Variants in PROM1 observed in about 807,000 individuals in gnomAD.
The protein encoded by PROM1 is prominin-1.
Under a neutral mutation model 116.9 loss-of-function variants are expected in PROM1, and 105 were observed. That is an observed-to-expected ratio of 0.90 (90% confidence interval 0.77 to 1.06). The LOEUF (loss-of-function observed/expected upper bound fraction) is 1.06. PROM1 is among the 50% of genes least tolerant of loss of function. The pLI is 0.00. For missense variants in PROM1, 1,122 were observed against 1,045.2 expected (o/e 1.07, Z -1.01); for synonymous variants, 393 against 387.0 (o/e 1.02, Z -0.18).
intron 11 of PROM1, among the ~76,000 whole-genome samples, chr4:16,009,945 A>G (rs1006039330): frequency 1.3e-5 from 2 of 151,684 alleles, no homozygotes; most frequent in African/African-American, 4.8e-5. Context: ...AAAAAAAAAA[A>G]AAAAAAAAAA....
At chr4:16,061,825 T>G (rs1424399821) in intron 2 of PROM1, among the ~76,000 whole-genome samples, 6 of 151,998 alleles carry the variant, frequency 3.9e-5, no homozygotes, top group Non-Finnish European at 8.8e-5. Flanking sequence ...TGGTGGTTCC[T>G]TGAGTTGTAG....
Position 16,013,335 on chromosome 4 carries a change from A to G in PROM1, c.1081T>C (p.Tyr361His), listed in dbSNP as rs1048511634. ...TDLDGLVQQG[Y>H]QSLNDIPDRV... is the part of the protein sequence containing the mutation. ...TCAGGTATATCATTAAGGGATTGAT[A>G]GCCCTGAAAAATATTTCAAAATAAA... The change falls in exon 11 of 28, where the codon TAT (tyrosine) becomes CAT (histidine). Residue 361 changes from tyrosine (Y) to histidine (H), a missense_variant. By Grantham distance (83) the Tyr-to-His change is moderately conservative (BLOSUM62 2). Transcript: ENST00000447510. 6.3e-7 allele frequency: 1 copy of G among 1,599,500 alleles called. No individual in the cohort carries two copies. The highest frequency in any genetic ancestry group is 1.3e-5 in the African/African-American group (1 of 74,618).
At chr4:16,074,782 T>C (rs948494047) in intron 2 of PROM1, among the ~76,000 whole-genome samples, 2 of 152,202 alleles carry the variant, frequency 1.3e-5, no homozygotes, top group Admixed American at 1.3e-4. Flanking sequence ...ATCCTGTCTC[T>C]CTTCCTCCCT....
rs1314310995 is a variant in PROM1 at position 16,083,989 on chromosome 4, A to T, written c.-224T>A. ...TTAAACATACTCACCGCGGCGGGAG[A>T]GCTGAGAGCATGGCCAGGTGCCGCG... On this transcript the variant is annotated 5_prime_UTR_variant, in exon 1 of 28. Coordinates refer to ENST00000447510, the MANE Select transcript of PROM1 (RefSeq NM_006017.3). 1 of 152,240 alleles carries T rather than the reference A, an allele frequency of 6.6e-6. No homozygotes were observed. Among genetic ancestry groups the T allele is most frequent in the Non-Finnish European group, 1.5e-5 (1 of 68,100 alleles). The allele number at this position is 152,240 out of a possible 1,614,324, so 9.4% of individuals were successfully genotyped here.
At chr4:15,984,390 G>T (rs1480264959) in intron 22 of PROM1, 35 bp from the exon 23 acceptor site, 1 of 1,434,422 alleles carries the variant, frequency 7.0e-7, no homozygotes, top group Non-Finnish European at 9.5e-7. Flanking sequence ...ACTTTGAGCT[G>T]CATCCACAAA....
chr4:16,033,582 A>ATT, intron 4 of PROM1, 73 bp from the exon 5 acceptor site: 3 of 556,018 alleles, frequency 5.4e-6, no homozygotes, highest in Non-Finnish European at 5.3e-6. Context: ...TGGTGTACAA[A>ATT]GTTCTTTTTT....
intron 22 of PROM1, 52 bp from the exon 23 acceptor site, chr4:15,984,407 A>C (rs947056484): frequency 7.5e-7 from 1 of 1,325,008 alleles, no homozygotes; most frequent in East Asian, 2.5e-5. Flanking sequence ...CAAAAACCCA[A>C]AGGAATGAGA....
At chr4:15,997,839 T>C (rs1314057443) in intron 15 of PROM1, among the ~76,000 whole-genome samples, 1 of 152,218 alleles carries the variant, frequency 6.6e-6, no homozygotes, top group Admixed American at 6.5e-5. Context: ...GAATCTCATG[T>C]ATCTTACTTA....
At chr4:15,979,116 G>T (rs1480851661) in intron 26 of PROM1, among the ~76,000 whole-genome samples, 1 of 152,190 alleles carries the variant, frequency 6.6e-6, no homozygotes, top group East Asian at 1.9e-4. Context: ...TGCAAGGTAT[G>T]CATGCATTTA....
chr4:16,022,050 G>A (rs762119298), intron 8 of PROM1, among the ~76,000 whole-genome samples: 26 of 151,844 alleles, frequency 1.7e-4, no homozygotes, highest in Non-Finnish European at 3.4e-4. Flanking sequence ...ATGGACAGGG[G>A]CCAGGTGTGC....
chr4:16,023,431 C>G lies in PROM1; in HGVS notation c.695-16G>C, dbSNP rs779849808. On this transcript the variant is annotated splice_polypyrimidine_tract_variant and intron_variant, in intron 7 of 27. Transcript: ENST00000447510. ...GAATTGATACCTACATGCAAATAAG[C>G]ACAAAGATGGTGAGGGTGGCCTCTG... is the stretch of plus-strand genomic sequence containing the variant. 23 of 1,565,764 alleles carry G rather than the reference C, an allele frequency of 1.5e-5. No individual in the cohort carries two copies. The highest frequency in any genetic ancestry group is 2.0e-5 in the Non-Finnish European group (23 of 1,146,572).
chr4:15,992,736 T>C (rs1336223834), intron 16 of PROM1, among the ~76,000 whole-genome samples: 2 of 152,228 alleles, frequency 1.3e-5, no homozygotes, highest in African/African-American at 2.4e-5. Context: ...TCTTTCTCTA[T>C]GGGTCCCATG....
At chr4:16,057,982 T>C (rs531644975) in intron 2 of PROM1, among the ~76,000 whole-genome samples, 17 of 152,262 alleles carry the variant, frequency 1.1e-4, no homozygotes, top group African/African-American at 3.4e-4. Context: ...ATTCACTGTT[T>C]CAAAACTTCC....
rs999336631 is a variant in PROM1 at position 15,968,253 on chromosome 4, A to C, written c.*1140T>G. 4 of 152,200 alleles carry C rather than the reference A, an allele frequency of 2.6e-5. No homozygotes were observed. Among genetic ancestry groups the C allele is most frequent in the Non-Finnish European group, 5.9e-5 (4 of 68,026 alleles). The allele number at this position is 152,200 out of a possible 1,614,324, so 9.4% of individuals were successfully genotyped here. On this transcript the variant is annotated 3_prime_UTR_variant, in exon 28 of 28. Transcript: ENST00000447510. ...TGTTTTCCAAGTTCCTTTTTATTCA[A>C]ATGAATCAGAACTGCAATCTGCACA...
chr4:15,998,519 A>G, intron 14 of PROM1, 31 bp from the exon 15 acceptor site: 1 of 1,543,136 alleles, frequency 6.5e-7, no homozygotes. Context: ...TTTTCGAAAA[A>G]TCAGTTTTAC....
intron 2 of PROM1, among the ~76,000 whole-genome samples, chr4:16,063,136 T>G (rs916372344): frequency 1.3e-5 from 2 of 152,138 alleles, no homozygotes; most frequent in Admixed American, 6.5e-5. Flanking sequence ...CTATAAGTAC[T>G]AGTTTACAGG....
chr4:16,023,338 A>T lies in PROM1; in HGVS notation c.772T>A (p.Ser258Thr), dbSNP rs375217852. 1.9e-6 allele frequency: 3 copies of T among 1,603,866 alleles called. No homozygotes were observed. The highest frequency in any genetic ancestry group is 1.7e-5 in the Admixed American group (1 of 59,068). The change falls in exon 8 of 28, where the codon TCC (serine) becomes ACC (threonine). Residue 258 changes from serine to threonine, a missense_variant. Physicochemically the swap from Ser to Thr is moderately conservative, Grantham distance 58. Coordinates refer to ENST00000447510, the MANE Select transcript of PROM1 (RefSeq NM_006017.3). ...NIIPVLDEIK[S>T]MATAIKETKE... ...GCCCACTGCTTACCTGTTGCCATGG[A>T]CTTAATCTCATCAAGAACAGGGATG...
chr4:16,007,362 C>T (rs1725784419), intron 12 of PROM1, among the ~76,000 whole-genome samples: 1 of 152,208 alleles, frequency 6.6e-6, no homozygotes, highest in African/African-American at 2.4e-5. Flanking sequence ...CTGGCATTCC[C>T]GGAAGGGAGA....
intron 2 of PROM1, chr4:16,055,256 T>C: frequency 5.6e-6 from 2 of 359,752 alleles, no homozygotes; most frequent in Admixed American, 7.1e-5. Context: ...TAAATTAGGC[T>C]GGTCATGGTG....
Sources: allele counts gnomAD v4.1 joint callset (sites outside exome capture counted in the v4.1 genomes callset), GRCh38; gene constraint gnomAD v4.1.1; transcripts MANE v1.5; gene names NCBI Gene and HGNC (gene_info 2026-07-23, HGNC 2026-07-21).